The following MCF2L variants were observed in gnomAD, a reference collection of about 807,000 sequenced individuals.
MCF2L encodes the protein MCF.2 cell line derived transforming sequence like, also known as guanine nucleotide exchange factor DBS.
Under a neutral mutation model 153.4 loss-of-function variants are expected in MCF2L, and 97 were observed. That is an observed-to-expected ratio of 0.63 (90% CI 0.54 to 0.75). The LOEUF is 0.75. Ranked by LOEUF, MCF2L falls within the 30% of genes least tolerant of loss-of-function variation. The pLI, the probability that MCF2L is intolerant of heterozygous loss-of-function variation, is 0.00. For missense variants in MCF2L, 1,347 were observed against 1,495.2 expected (o/e 0.90, Z 1.64); for synonymous variants, 659 against 632.2 (o/e 1.04, Z -0.64).
At position 113,045,397 on chromosome 13, in the gene MCF2L, C is replaced by T. The variant is rs772999732; in HGVS notation, c.369+36C>T. Reference sequence around the variant, plus strand: ...CCCGGGGCTCTGCCCTGCGCCCGGCCCCTCCCTGGGCTGCATGACCGCATG... The same window carrying T: ...CCCGGGGCTCTGCCCTGCGCCCGGCTCCTCCCTGGGCTGCATGACCGCATG... On this transcript the variant is annotated intron_variant, in intron 4 of 29. Transcript: ENST00000535094. This position sits in a 1 kb window ranked among gnomAD's most constrained non-coding sequence, Gnocchi z 4.2. The T allele has an allele frequency of 4.5e-6, 7 of 1,547,992 alleles. No individual in the cohort carries two copies. The Admixed American group carries it at 1.0e-4, about 22-fold the overall frequency.
intron 2 of MCF2L, among the ~76,000 whole-genome samples, chr13:112,940,518 G>A (rs771906745): frequency 1.3e-5 from 2 of 152,234 alleles, no homozygotes; most frequent in East Asian, 1.9e-4. Flanking sequence ...CTCCCTACCC[G>A]CTGCCTATGT....
intron 1 of MCF2L, among the ~76,000 whole-genome samples, chr13:112,995,834 C>T (rs1446508767): frequency 1.3e-5 from 2 of 152,162 alleles, no homozygotes; most frequent in Non-Finnish European, 2.9e-5. Flanking sequence ...AGTGAGCAGG[C>T]GTGGCCCGGA....
chr13:112,995,705 C>T (rs568582026), intron 1 of MCF2L, among the ~76,000 whole-genome samples: 4 of 152,104 alleles, frequency 2.6e-5, no homozygotes, highest in Admixed American at 1.3e-4. Context: ...ATCCTGTCAC[C>T]GAACCCTCCT....
At chr13:112,895,583 G>A (rs948699550) in intron 1 of MCF2L, among the ~76,000 whole-genome samples, 12 of 152,152 alleles carry the variant, frequency 7.9e-5, no homozygotes, top group African/African-American at 2.7e-4. Context: ...CGTGAGAACG[G>A]AGTGCACACC....
At chr13:112,957,521 C>T (rs953979837) in intron 2 of MCF2L, 1 of 150,824 alleles carries the variant, frequency 6.6e-6, no homozygotes, top group African/African-American at 2.4e-5. Context: ...ACCCTGGACT[C>T]CATGCCGCGC....
intron 3 of MCF2L, among the ~76,000 whole-genome samples, chr13:113,037,125 G>A (rs567873972): frequency 2.8e-4 from 43 of 152,298 alleles, no homozygotes; most frequent in African/African-American, 1.0e-3. Flanking sequence ...AATTCCTCTC[G>A]ACTAACAGCC....
At chr13:112,910,075 T>A (rs1594309101) in intron 2 of MCF2L, 2 of 152,380 alleles carry the variant, frequency 1.3e-5, no homozygotes, top group Middle Eastern at 6.8e-3. Context: ...CTGTCTTACA[T>A]AGCAGAGTGA....
chr13:112,982,008 T>C (rs988861187), intron 1 of MCF2L, among the ~76,000 whole-genome samples: 1 of 152,114 alleles, frequency 6.6e-6, no homozygotes, highest in Non-Finnish European at 1.5e-5. Context: ...GGGAAGATGC[T>C]CAGCTCATGT....
rs74711709 is a variant in MCF2L, at chr13:113,090,689, G to A, written c.2953+961G>A. 1,024 of 985,494 alleles carry A rather than the reference G, an allele frequency of 1.0e-3. 4 individuals are homozygous for A. In the East Asian group the frequency reaches 0.018, roughly 18 times the overall value. The allele number at this position is 985,494 out of a possible 1,614,324, so 61.0% of individuals were successfully genotyped here. A position where few individuals can be genotyped will look rare whatever the true frequency, so the allele number is the denominator to read the frequency against. ...GGAGGCCCTGGAAGCCGGCCCTGGC[G>A]TGCAGGCGGCTCTTCTGGGAAGCCC... On this transcript the variant is annotated intron_variant, in intron 26 of 29. Transcript: ENST00000535094.
intron 1 of MCF2L, among the ~76,000 whole-genome samples, chr13:113,007,837 C>T (rs953451636): frequency 2.0e-5 from 3 of 152,010 alleles, no homozygotes; most frequent in African/African-American, 4.8e-5. Context: ...CCTGCACACA[C>T]GTGTGGCCCA....
At position 112,916,914 on chromosome 13, in the gene MCF2L, C is replaced by G. The variant is rs114418807; in HGVS notation, c.169+14543C>G. 9.6e-3 allele frequency among the ~76,000 whole-genome samples: 1,466 copies of G among 152,208 alleles called. 24 individuals carry two copies. Among genetic ancestry groups the G allele is most frequent in the African/African-American group, 0.034 (1,406 of 41,520 alleles). Reference sequence around the variant, plus strand: ...CCTGTCCCTGAACCTCTGCTCTGCACCACATCCCTGCCTTCCTGCCGGACC... The same window carrying G: ...CCTGTCCCTGAACCTCTGCTCTGCAGCACATCCCTGCCTTCCTGCCGGACC... On this transcript the variant is annotated intron_variant, in intron 2 of 29. Coordinates refer to the MCF2L transcript ENST00000375608.
intron 1 of MCF2L, among the ~76,000 whole-genome samples, chr13:112,895,315 C>T (rs1455621939): frequency 3.9e-4 from 59 of 152,282 alleles, no homozygotes; most frequent in Non-Finnish European, 1.2e-4. Context: ...TAAGGTGGCC[C>T]GGGCCGCCCA....
Position 112,937,210 on chromosome 13 carries a change from C to T in MCF2L, c.169+34839C>T, listed in dbSNP as rs576232712. Among the ~76,000 whole-genome samples, 44 of 152,200 alleles carry T rather than the reference C, an allele frequency of 2.9e-4. 1 individual carries two copies. The South Asian group carries it at 8.1e-3, about 28-fold the overall frequency. ...CTGCGATTATAGGCACCTGCCACCACGCCCAGCTAATTTTTTGTATTTTTA... is the reference window on the plus strand; with the variant it reads ...CTGCGATTATAGGCACCTGCCACCATGCCCAGCTAATTTTTTGTATTTTTA... On this transcript the variant is annotated intron_variant, in intron 2 of 29. Coordinates refer to the MCF2L transcript ENST00000375608.
At chr13:113,050,887 G>A (rs953413469) in intron 4 of MCF2L, among the ~76,000 whole-genome samples, 5 of 152,048 alleles carry the variant, frequency 3.3e-5, no homozygotes, top group African/African-American at 9.7e-5. Context: ...GGAGGGGGGC[G>A]AGGAGCTTCC....
In MCF2L at chr13:113,070,050, C is replaced by T; in HGVS notation, c.882-9C>T. 1.9e-6 allele frequency: 3 copies of T among 1,604,460 alleles called. No individual in the cohort carries two copies. Among genetic ancestry groups the T allele is most frequent in the Non-Finnish European group, 2.6e-6 (3 of 1,174,582 alleles). ...GCCACACAGACGGTCAACTCCTCCT[C>T]TTTCCCAGGCTCCTGGCCCAGCTGA... On this transcript the variant is annotated splice_polypyrimidine_tract_variant and intron_variant, in intron 8 of 29. Coordinates refer to ENST00000535094, the MANE Select transcript of MCF2L (RefSeq NM_001112732.3). The surrounding 1 kb of genome is among the most constrained non-coding windows in gnomAD (Gnocchi z 5.6).
At chr13:113,080,198 C>T (rs1385037784) in intron 15 of MCF2L, among the ~76,000 whole-genome samples, 6 of 142,666 alleles carry the variant, frequency 4.2e-5, no homozygotes, top group East Asian at 4.2e-4. Context: ...GGGGGGCATC[C>T]GCACAGAGGA....
rs79712473 is a variant in MCF2L at position 112,946,245 on chromosome 13, G to C, written c.169+43874G>C. On this transcript the variant is annotated intron_variant, in intron 2 of 29. Coordinates refer to the MCF2L transcript ENST00000375608. ...ACTAAAACTATCCAAGATCCTCCAA[G>C]AAATACATATGACTAAAGATAATGT... 4.4e-3 allele frequency among the ~76,000 whole-genome samples: 657 copies of C among 150,344 alleles called. 2 individuals carry two copies. Among genetic ancestry groups the C allele is most frequent in the African/African-American group, 0.016 (642 of 40,868 alleles).
chr13:112,934,912 GC>G (rs2081500176), intron 2 of MCF2L, among the ~76,000 whole-genome samples: 1 of 152,234 alleles, frequency 6.6e-6, no homozygotes, highest in Non-Finnish European at 1.5e-5. Context: ...GCTTGACTTT[GC>G]TTCCTGGTCC....
intron 3 of MCF2L, among the ~76,000 whole-genome samples, chr13:113,032,228 C>T (rs1236022031): frequency 6.6e-6 from 1 of 152,220 alleles, no homozygotes; most frequent in Non-Finnish European, 1.5e-5. Context: ...GGCAGCTGGA[C>T]CCCAGCCCTT....
Sources: gnomAD v4.1 joint callset for allele counts (sites outside exome capture counted in the v4.1 genomes callset) on GRCh38, gnomAD v4.1.1 for gene constraint, Gnocchi (gnomAD v3.1) non-coding constraint, MANE v1.5 for transcripts, NCBI Gene and HGNC (gene_info 2026-07-23, HGNC 2026-07-21) for gene names.